Variants in CNBD1 observed in about 807,000 individuals in gnomAD.
CNBD1 encodes cyclic nucleotide-binding domain-containing protein 1.
A neutral mutation model predicts 54.4 loss-of-function variants in CNBD1; 71 were observed. That is an observed-to-expected ratio of 1.30 (90% CI 1.08 to 1.59). The LOEUF (loss-of-function observed/expected upper bound fraction) is 1.59. Among genes scored for constraint, CNBD1 ranks in the 40% most tolerant of loss-of-function variants. The pLI is 0.00. For synonymous variants in CNBD1, 182 were observed against 170.7 expected, an observed-to-expected ratio of 1.07 and a Z score of -0.51; for missense variants, 659 against 518.0, an observed-to-expected ratio of 1.27 and a Z score of -2.64.
At chr8:87,387,340 T>A (rs1811210267), downstream of CNBD1, among the ~76,000 whole-genome samples, 1 of 152,000 alleles carries the variant, frequency 6.6e-6, no homozygotes, top group Admixed American at 6.6e-5. Context: ...GACCCATCAA[T>A]GTGCTGTATT....
chr8:87,144,542 A>T (rs1196900004), intron 4 of CNBD1, among the ~76,000 whole-genome samples: 3 of 152,214 alleles, frequency 2.0e-5, no homozygotes, highest in Admixed American at 1.3e-4. Flanking sequence ...TAGAAATTTT[A>T]GATGCAAAAA....
At chr8:87,029,481 G>T (rs12679672) in intron 4 of CNBD1, among the ~76,000 whole-genome samples, 1 of 151,946 alleles carries the variant, frequency 6.6e-6, no homozygotes, top group Admixed American at 6.6e-5. Context: ...TTGGGAAATG[G>T]GGAGGTAAAG....
At chr8:87,393,887 C>T (rs1811360330) in intron 2 of CNBD1, among the ~76,000 whole-genome samples, 2 of 151,786 alleles carry the variant, frequency 1.3e-5, no homozygotes, top group African/African-American at 2.4e-5. Context: ...GTGAAAAGAT[C>T]GAATTACACA....
intron 4 of CNBD1, among the ~76,000 whole-genome samples, chr8:87,106,838 T>A (rs1563471143): frequency 6.6e-6 from 1 of 152,158 alleles, no homozygotes. Context: ...ATTTATTTAT[T>A]TTTTATTTTG....
chr8:87,213,791 C>T (rs946836612), intron 5 of CNBD1, among the ~76,000 whole-genome samples: 27 of 152,270 alleles, frequency 1.8e-4, no homozygotes, highest in East Asian at 7.7e-4. Flanking sequence ...TCAGCATTAA[C>T]GCAAAAGTCC....
chr8:87,385,142 A>T (rs906895260), downstream of CNBD1, among the ~76,000 whole-genome samples: 1 of 152,134 alleles, frequency 6.6e-6, no homozygotes, highest in South Asian at 2.1e-4. Flanking sequence ...ATGGGGGTGG[A>T]GCCAAGATGC....
Position 87,206,036 on chromosome 8 carries a change from T to A in CNBD1, c.475T>A (p.Phe159Ile), listed in dbSNP as rs184622714. 1.3e-4 allele frequency: 214 copies of A among 1,600,088 alleles called. 1 individual carries two copies. In the East Asian group the frequency reaches 4.4e-3, roughly 33 times the overall value. ...ATATGAACACAAAACTGTGTGGAAG[T>A]TCCTGAAAACAATTCCAGATTTAAC... ...TPYEHKTVWKFLKTIPDLTFQ... is the reference protein window; with the variant it reads ...TPYEHKTVWKILKTIPDLTFQ... The change falls in exon 5 of 11, where the codon TTC becomes ATC. Residue 159 changes from phenylalanine (F) to isoleucine (I), a missense_variant. Physicochemically the swap from Phe to Ile is conservative, Grantham distance 21 (BLOSUM62 0). Coordinates refer to ENST00000518476, the MANE Select transcript of CNBD1 (RefSeq NM_173538.3).
At chr8:87,419,046 C>T (rs1807882152) in intron 2 of CNBD1, among the ~76,000 whole-genome samples, 1 of 151,824 alleles carries the variant, frequency 6.6e-6, no homozygotes. Flanking sequence ...AAAGTGTAAA[C>T]AACCTGAATG....
At chr8:86,936,949 T>C (rs931989283) in intron 3 of CNBD1, among the ~76,000 whole-genome samples, 2 of 152,192 alleles carry the variant, frequency 1.3e-5, no homozygotes, top group African/African-American at 2.4e-5. Context: ...TAAACTCTTT[T>C]AGTTACAATT....
At chr8:87,305,396 GA>G (rs1809120871) in intron 8 of CNBD1, among the ~76,000 whole-genome samples, 3 of 152,014 alleles carry the variant, frequency 2.0e-5, no homozygotes, top group Admixed American at 2.0e-4. Context: ...CAGAGAATTA[GA>G]AAAAACAATT....
chr8:87,068,913 A>G (rs1259836630), intron 4 of CNBD1, among the ~76,000 whole-genome samples: 2 of 152,066 alleles, frequency 1.3e-5, no homozygotes, highest in Non-Finnish European at 2.9e-5. Flanking sequence ...TCATACAGAA[A>G]GAAAAATAGT....
intron 10 of CNBD1, among the ~76,000 whole-genome samples, chr8:87,371,831 C>G (rs899806856): frequency 6.6e-6 from 1 of 151,940 alleles, no homozygotes; most frequent in Non-Finnish European, 1.5e-5. Flanking sequence ...ATTGACAGGA[C>G]ATATCTCAAA....
Position 86,967,461 on chromosome 8 carries a change from G to T in CNBD1, c.431+27707G>T, listed in dbSNP as rs533837191. ...CTGGTCCCAACTCAGAAGGGGCGGG[G>T]CTCCCACTGGCTTCATGGAGTGTGC... On this transcript the variant is annotated intron_variant, in intron 4 of 10. Transcript: ENST00000518476. Among the ~76,000 whole-genome samples the T allele has an allele frequency of 7.2e-5, 11 of 152,324 alleles. No homozygotes were observed. In the South Asian group the frequency reaches 2.3e-3, roughly 32 times the overall value.
chr8:87,375,865 A>T (rs1457259538), intron 10 of CNBD1, among the ~76,000 whole-genome samples: 2 of 151,844 alleles, frequency 1.3e-5, no homozygotes, highest in Non-Finnish European at 2.9e-5. Context: ...TATATTCAAG[A>T]TCCTATGTCT....
In CNBD1 at chr8:87,026,645, T is replaced by A. The variant is rs559414781; in HGVS notation, c.431+86891T>A. Among the ~76,000 whole-genome samples, 324 of 152,264 alleles carry A rather than the reference T, an allele frequency of 2.1e-3. 1 individual carries two copies. The highest frequency in any genetic ancestry group is 3.7e-3 in the Non-Finnish European group (249 of 68,004). ...AAACAAGATCCTTTCTCTAAAAAAA[T>A]TTTCTTTTCTTTATAACCTTCCTTA... On this transcript the variant is annotated intron_variant, in intron 4 of 10. Coordinates refer to ENST00000518476, the MANE Select transcript of CNBD1 (RefSeq NM_173538.3).
intron 4 of CNBD1, among the ~76,000 whole-genome samples, chr8:87,040,366 A>G (rs1810038920): frequency 6.6e-6 from 1 of 151,544 alleles, no homozygotes; most frequent in Admixed American, 6.6e-5. Context: ...GCAATGGTGA[A>G]TTCATGTGTA....
At chr8:87,348,141 C>A (rs889943338) in intron 8 of CNBD1, among the ~76,000 whole-genome samples, 2 of 151,966 alleles carry the variant, frequency 1.3e-5, no homozygotes, top group Non-Finnish European at 2.9e-5. Context: ...AGGAGAACAA[C>A]CTCTTTAAAT....
intron 4 of CNBD1, among the ~76,000 whole-genome samples, chr8:87,038,256 GGCTATAA>G (rs1246257269): frequency 6.6e-6 from 1 of 152,126 alleles, no homozygotes; most frequent in African/African-American, 2.4e-5. Flanking sequence ...TTATTCAGCA[GGCTATAA>G]CCTCCTGATG....
intron 4 of CNBD1, among the ~76,000 whole-genome samples, chr8:87,154,737 T>C (rs1336968833): frequency 1.3e-5 from 2 of 152,156 alleles, no homozygotes; most frequent in Admixed American, 6.5e-5. Flanking sequence ...TTGAAGTTGA[T>C]ATTAGAACCT....
Sources: allele counts gnomAD v4.1 joint callset (sites outside exome capture counted in the v4.1 genomes callset), GRCh38; gene constraint gnomAD v4.1.1; transcripts MANE v1.5; gene names NCBI Gene and HGNC (gene_info 2026-07-23, HGNC 2026-07-21).